The following TMEM132C variants were observed in gnomAD, a reference collection of about 807,000 sequenced individuals.
The protein encoded by TMEM132C is protein phosphatase 1, regulatory subunit 152.
A neutral mutation model predicts 61.4 loss-of-function variants in TMEM132C; 29 were observed. The observed-to-expected ratio is 0.47, with a 90% confidence interval of 0.35 to 0.64. The LOEUF (loss-of-function observed/expected upper bound fraction) is 0.64. Ranked by LOEUF, TMEM132C falls within the 30% of genes least tolerant of loss-of-function variation. TMEM132C has a pLI of 0.00. For synonymous variants in TMEM132C, 656 were observed against 633.1 expected, an observed-to-expected ratio of 1.04 and a Z score of -0.54; for missense variants, 1,408 against 1,476.9, an observed-to-expected ratio of 0.95 and a Z score of 0.76.
Position 128,630,159 on chromosome 12 carries a change from A to G in TMEM132C, c.1305+13824A>G, listed in dbSNP as rs58843512. Among the ~76,000 whole-genome samples the G allele has an allele frequency of 0.085, 12,976 of 152,000 alleles. 1,853 individuals carry two copies. The highest frequency in any genetic ancestry group is 0.29 in the African/African-American group (12,192 of 41,404). The stretch of plus-strand genomic sequence containing the variant: ...GGGAAAGCCTGGGTGCCCCCCTCCA[A>G]GGTGTCTCAGGCGGCAAGCTGGCGG... On this transcript the variant is annotated intron_variant, in intron 4 of 8. Coordinates refer to ENST00000435159, the MANE Select transcript of TMEM132C (RefSeq NM_001136103.3). This position sits in a 1 kb window ranked among gnomAD's most constrained non-coding sequence, Gnocchi z 4.3.
intron 1 of TMEM132C, among the ~76,000 whole-genome samples, chr12:128,360,298 G>A (rs1005774372): frequency 1.3e-5 from 2 of 151,676 alleles, no homozygotes; most frequent in East Asian, 1.9e-4. Context: ...ATAACAGAGA[G>A]AGAACAATAG....
intron 2 of TMEM132C, among the ~76,000 whole-genome samples, chr12:128,427,219 A>G (rs1231336108): frequency 1.3e-5 from 2 of 152,204 alleles, no homozygotes; most frequent in Non-Finnish European, 2.9e-5. Flanking sequence ...TTGGATAGAA[A>G]GGAAAAAAAC....
chr12:128,296,613 G>A (rs1871423502), intron 1 of TMEM132C, among the ~76,000 whole-genome samples: 1 of 152,144 alleles, frequency 6.6e-6, no homozygotes, highest in Non-Finnish European at 1.5e-5. Flanking sequence ...CCATTCTGTA[G>A]CCAGTCACTA....
At chr12:128,521,845 A>G (rs1872916637) in intron 2 of TMEM132C, among the ~76,000 whole-genome samples, 2 of 152,244 alleles carry the variant, frequency 1.3e-5, no homozygotes, top group South Asian at 2.1e-4. Flanking sequence ...AACATTTTAA[A>G]TAAGAATATT....
intron 2 of TMEM132C, among the ~76,000 whole-genome samples, chr12:128,419,361 A>T (rs576519744): frequency 6.6e-6 from 1 of 152,156 alleles, no homozygotes; most frequent in Non-Finnish European, 1.5e-5. Context: ...ATGAACAGCA[A>T]ACTCTCTAGG....
Position 128,669,598 on chromosome 12 carries a change from G to T in TMEM132C, c.1449+38G>T, listed in dbSNP as rs145341430. ...ACAGCCAGCTGGATGGAACCGGTGG[G>T]AACTTCACTTGGACATCCCGTTTGC... On this transcript the variant is annotated intron_variant, in intron 5 of 8. Coordinates refer to ENST00000435159, the MANE Select transcript of TMEM132C (RefSeq NM_001136103.3). 3.9e-5 allele frequency: 60 copies of T among 1,544,924 alleles called. No individual in the cohort carries two copies. In the East Asian group the frequency reaches 1.4e-3, roughly 35 times the overall value.
At chr12:128,541,344 G>T (rs34979012) in intron 2 of TMEM132C, among the ~76,000 whole-genome samples, 20,475 of 152,128 alleles carry the variant, frequency 0.13, 1,613 homozygotes, top group Middle Eastern at 0.23. Flanking sequence ...GGGCTTTTAG[G>T]AGTCTTTATA....
intron 1 of TMEM132C, among the ~76,000 whole-genome samples, chr12:128,270,167 GGTT>G (rs1301242811): frequency 6.6e-6 from 1 of 152,212 alleles, no homozygotes; most frequent in African/African-American, 2.4e-5. Context: ...GTTTAGTGAT[GGTT>G]GTTAGTCACA....
chr12:128,585,512 C>A (rs1875511749), intron 3 of TMEM132C, among the ~76,000 whole-genome samples: 1 of 152,248 alleles, frequency 6.6e-6, no homozygotes. Flanking sequence ...CTGTGTCCTG[C>A]AGGAGAGGTG....
At chr12:128,546,349 A>G (rs932054052) in intron 3 of TMEM132C, among the ~76,000 whole-genome samples, 6 of 152,202 alleles carry the variant, frequency 3.9e-5, no homozygotes, top group African/African-American at 1.4e-4. Context: ...ATGAAAGCGA[A>G]TGTGTTCATT....
chr12:128,295,361 A>G (rs955258068), intron 1 of TMEM132C, among the ~76,000 whole-genome samples: 1 of 152,182 alleles, frequency 6.6e-6, no homozygotes, highest in Non-Finnish European at 1.5e-5. Context: ...TGGTATAGCT[A>G]TAGCTATTCA....
rs528707919 is a variant in TMEM132C at position 128,310,113 on chromosome 12, G to A, written c.85+42626G>A. On this transcript the variant is annotated intron_variant, in intron 1 of 8. Transcript: ENST00000435159. ...CTACCTTTTGACTATGCAAACCTTT[G>A]ACTAATCAAGAGGTTGATTCTACCC... Among the ~76,000 whole-genome samples the A allele has an allele frequency of 1.1e-4, 16 of 152,250 alleles. No homozygotes were observed. In the East Asian group the frequency reaches 2.5e-3, roughly 24 times the overall value.
At chr12:128,700,689 T>C (rs4882798) in intron 8 of TMEM132C, among the ~76,000 whole-genome samples, 150,926 of 152,322 alleles carry the variant, frequency 0.99, 74,793 homozygotes, top group East Asian at 1. Flanking sequence ...CTGCATGTTC[T>C]CCCAAGCCTT....
rs143090055 is a variant in TMEM132C, at chr12:128,570,345, G to A, written c.1121+26242G>A. Among the ~76,000 whole-genome samples, 236 of 152,266 alleles carry A rather than the reference G, an allele frequency of 1.5e-3. 2 individuals are homozygous for A. Among genetic ancestry groups the A allele is most frequent in the African/African-American group, 5.5e-3 (227 of 41,548 alleles). Reference sequence around the variant, plus strand: ...TTCTTTTCCAAGTAATTCACAACACGTGAGTGCATTCATGGGCCTTTACAA... The same window carrying A: ...TTCTTTTCCAAGTAATTCACAACACATGAGTGCATTCATGGGCCTTTACAA... On this transcript the variant is annotated intron_variant, in intron 3 of 8. Coordinates refer to ENST00000435159, the MANE Select transcript of TMEM132C (RefSeq NM_001136103.3). The surrounding 1 kb of genome is among the most constrained non-coding windows in gnomAD (Gnocchi z 4.7).
intron 4 of TMEM132C, among the ~76,000 whole-genome samples, chr12:128,619,927 C>G (rs1325888494): frequency 6.6e-6 from 1 of 152,118 alleles, no homozygotes; most frequent in African/African-American, 2.4e-5. Context: ...GTGCTGGTCT[C>G]TTTTTAAGAA....
chr12:128,417,301 G>A (rs1868813850), intron 2 of TMEM132C, among the ~76,000 whole-genome samples: 1 of 152,112 alleles, frequency 6.6e-6, no homozygotes, highest in African/African-American at 2.4e-5. Context: ...CTTCCCCCTT[G>A]CACTTTGTTA....
At chr12:128,559,280 T>G (rs539462328) in intron 3 of TMEM132C, among the ~76,000 whole-genome samples, 38 of 152,288 alleles carry the variant, frequency 2.5e-4, no homozygotes, top group African/African-American at 8.7e-4. Context: ...ATAAAGTTCT[T>G]TATTCTTTTT....
chr12:128,597,033 C>A (rs770999690), intron 3 of TMEM132C, among the ~76,000 whole-genome samples: 1 of 152,176 alleles, frequency 6.6e-6, no homozygotes, highest in African/African-American at 2.4e-5. Flanking sequence ...ACAGTGCCCC[C>A]CTAGAAGTGA....
chr12:128,494,240 G>T (rs1024379168), intron 2 of TMEM132C, among the ~76,000 whole-genome samples: 2 of 152,158 alleles, frequency 1.3e-5, no homozygotes, highest in Non-Finnish European at 2.9e-5. Context: ...TGTGCTGCTG[G>T]ATTCGGTTTG....
Sources: gnomAD v4.1 joint callset for allele counts (sites outside exome capture counted in the v4.1 genomes callset) on GRCh38, gnomAD v4.1.1 for gene constraint, Gnocchi (gnomAD v3.1) non-coding constraint, MANE v1.5 for transcripts, NCBI Gene and HGNC (gene_info 2026-07-23, HGNC 2026-07-21) for gene names.